Variants in HFM1 observed in about 807,000 individuals in gnomAD.
The protein encoded by HFM1 is helicase for meiosis 1, also known as probable ATP-dependent DNA helicase HFM1.
Under a neutral mutation model 192.1 loss-of-function variants are expected in HFM1, and 169 were observed. That is an observed-to-expected ratio of 0.88 (90% CI 0.78 to 1.00). The LOEUF (loss-of-function observed/expected upper bound fraction) is 1.00. Ranked by LOEUF, HFM1 falls within the 50% of genes least tolerant of loss-of-function variation. The pLI, the probability that HFM1 is intolerant of heterozygous loss-of-function variation, is 0.00. For missense variants in HFM1, 1,661 were observed against 1,668.0 expected (o/e 1.00, Z 0.07); for synonymous variants, 525 against 537.8 (o/e 0.98, Z 0.33).
At chr1:91,304,915 T>C (rs1649386618) in intron 30 of HFM1, among the ~76,000 whole-genome samples, 1 of 152,184 alleles carries the variant, frequency 6.6e-6, no homozygotes, top group South Asian at 2.1e-4. Context: ...ACTTGAAAAA[T>C]TATTTTCAAA....
intron 6 of HFM1, among the ~76,000 whole-genome samples, chr1:91,383,824 A>C (rs1661839278): frequency 6.6e-6 from 1 of 152,152 alleles, no homozygotes; most frequent in African/African-American, 2.4e-5. Context: ...TTCACTACAA[A>C]AAAGAAGTAA....
At chr1:91,385,255 A>G in intron 5 of HFM1, 21 bp from the exon 6 acceptor site, 1 of 1,376,602 alleles carries the variant, frequency 7.3e-7, no homozygotes, top group Non-Finnish European at 1.0e-6. Flanking sequence ...AATGCTACAT[A>G]TTTATATAAA....
intron 4 of HFM1, among the ~76,000 whole-genome samples, chr1:91,390,693 A>G (rs1662861558): frequency 6.6e-6 from 1 of 152,204 alleles, no homozygotes; most frequent in African/African-American, 2.4e-5. Context: ...GAAAACTGGC[A>G]CAAGACAGGG....
intron 20 of HFM1, among the ~76,000 whole-genome samples, chr1:91,329,711 T>G (rs1282746688): frequency 2.0e-5 from 3 of 152,178 alleles, no homozygotes; most frequent in African/African-American, 7.2e-5. Context: ...GTACTTTTCC[T>G]TTTTTAGCTC....
At chr1:91,263,978 C>T (rs1376385777) in intron 36 of HFM1, among the ~76,000 whole-genome samples, 2 of 152,202 alleles carry the variant, frequency 1.3e-5, no homozygotes, top group Non-Finnish European at 2.9e-5. Context: ...TTTTGCTTCT[C>T]TACACCTACA....
chr1:91,326,609 T>C (rs1035252833), intron 20 of HFM1, among the ~76,000 whole-genome samples: 4 of 152,060 alleles, frequency 2.6e-5, no homozygotes, highest in Non-Finnish European at 5.9e-5. Flanking sequence ...CTCTAAGAAA[T>C]GTTCAAGGAA....
intron 2 of HFM1, among the ~76,000 whole-genome samples, chr1:91,399,259 T>C (rs1256511779): frequency 6.6e-6 from 1 of 152,118 alleles, no homozygotes; most frequent in Non-Finnish European, 1.5e-5. Flanking sequence ...ATAATATGTA[T>C]TATAGTCTGC....
chr1:91,380,788 A>G (rs1661462415), intron 7 of HFM1, 124 bp downstream of exon 7: 2 of 617,466 alleles, frequency 3.2e-6, no homozygotes, highest in Middle Eastern at 3.5e-4. Context: ...CTGAGCTCCT[A>G]AATGTGCTAG....
At chr1:91,299,521 C>G (rs1220846541) in intron 30 of HFM1, among the ~76,000 whole-genome samples, 1 of 152,058 alleles carries the variant, frequency 6.6e-6, no homozygotes, top group Non-Finnish European at 1.5e-5. Context: ...CAAAATTGAC[C>G]ACATAGTTGG....
At chr1:91,398,108 C>T (rs78269617) in intron 2 of HFM1, among the ~76,000 whole-genome samples, 5 of 152,306 alleles carry the variant, frequency 3.3e-5, no homozygotes, top group East Asian at 1.9e-4. Flanking sequence ...TAGCCAAAGC[C>T]GCCCTCGCAA....
intron 7 of HFM1, among the ~76,000 whole-genome samples, 163 bp from the exon 8 acceptor site, chr1:91,380,399 C>T (rs777201170): frequency 2.0e-5 from 3 of 152,196 alleles, no homozygotes; most frequent in Non-Finnish European, 2.9e-5. Context: ...CCTCCACTCT[C>T]GAAAAATAAC....
At chr1:91,400,237 A>G (rs958930233) in intron 2 of HFM1, among the ~76,000 whole-genome samples, 1 of 152,200 alleles carries the variant, frequency 6.6e-6, no homozygotes, top group African/African-American at 2.4e-5. Context: ...TATTTAACAT[A>G]CTACCTACTC....
intron 13 of HFM1, among the ~76,000 whole-genome samples, chr1:91,359,195 T>G (rs906436039): frequency 6.6e-6 from 1 of 152,182 alleles, no homozygotes; most frequent in African/African-American, 2.4e-5. Context: ...AAAGCCATAG[T>G]GTCTCTTCTC....
intron 20 of HFM1, among the ~76,000 whole-genome samples, chr1:91,326,458 T>C (rs1480958632): frequency 1.3e-5 from 2 of 151,974 alleles, no homozygotes; most frequent in Non-Finnish European, 2.9e-5. Context: ...TGGCAGGACA[T>C]ATTTAAAGTG....
intron 19 of HFM1, among the ~76,000 whole-genome samples, chr1:91,344,374 T>C (rs1169787317): frequency 1.3e-5 from 2 of 152,214 alleles, no homozygotes; most frequent in Non-Finnish European, 2.9e-5. Context: ...AGCTTGATAG[T>C]GTTAAGCGTT....
At chr1:91,291,995 T>C (rs1377053760) in intron 30 of HFM1, among the ~76,000 whole-genome samples, 1 of 152,114 alleles carries the variant, frequency 6.6e-6, no homozygotes, top group African/African-American at 2.4e-5. Flanking sequence ...TTGACAAAAT[T>C]CAACAACACT....
chr1:91,286,783 C>T (rs911471399), intron 30 of HFM1, among the ~76,000 whole-genome samples: 11 of 152,150 alleles, frequency 7.2e-5, no homozygotes, highest in Non-Finnish European at 1.2e-4. Context: ...AGACAGTGGG[C>T]ACAGGTCAGT....
Position 91,287,886 on chromosome 1 carries a change from T to G in HFM1, c.3392-10824A>C, listed in dbSNP as rs180791668. 2.1e-3 allele frequency among the ~76,000 whole-genome samples: 322 copies of G among 152,264 alleles called. 1 individual carries two copies. The highest frequency in any genetic ancestry group is 7.3e-3 in the African/African-American group (304 of 41,552). ...AGAATGCAGAAGCCTCAGGAGCCGA[T>G]GCGATGAATTGGAAGAAAGGGTATC... On this transcript the variant is annotated intron_variant, in intron 30 of 38. Transcript: ENST00000370425.
intron 6 of HFM1, 22 bp from the exon 7 acceptor site, chr1:91,381,004 C>A (rs373479394): frequency 1.9e-6 from 2 of 1,037,614 alleles, no homozygotes; most frequent in East Asian, 2.4e-5. Flanking sequence ...ATTAAGGAGT[C>A]AAATATTTCA....
Sources: gnomAD v4.1 joint callset for allele counts (sites outside exome capture counted in the v4.1 genomes callset) on GRCh38, gnomAD v4.1.1 for gene constraint, MANE v1.5 for transcripts, NCBI Gene and HGNC (gene_info 2026-07-23, HGNC 2026-07-21) for gene names.